DDR2: variants seen among roughly 807,000 people sequenced by gnomAD.
DDR2 encodes discoidin domain receptor tyrosine kinase 2.
In DDR2, 27 loss-of-function variants were observed where a neutral mutation model predicts 94.9. The ratio of observed to expected loss-of-function variants is 0.28; its 90% CI spans 0.21 to 0.39. The LOEUF is 0.39. DDR2 is among the 10% of genes least tolerant of loss of function. The pLI is 1.00. For missense variants in DDR2, 783 were observed against 1,076.0 expected, an observed-to-expected ratio of 0.73 and a Z score of 3.81; for synonymous variants, 382 against 377.2, an observed-to-expected ratio of 1.01 and a Z score of -0.15.
intron 1 of DDR2, among the ~76,000 whole-genome samples, chr1:162,640,798 T>C (rs1657092720): frequency 6.6e-6 from 1 of 152,160 alleles, no homozygotes; most frequent in South Asian, 2.1e-4. Flanking sequence ...TAGGTATTTT[T>C]GTGTCATACT....
chr1:162,769,117 A>G (rs1664140265), intron 11 of DDR2, among the ~76,000 whole-genome samples: 1 of 152,186 alleles, frequency 6.6e-6, no homozygotes, highest in Non-Finnish European at 1.5e-5. Flanking sequence ...TACTTCTCTG[A>G]GTCTTTATTC....
chr1:162,636,639 C>G (rs1234726964), intron 1 of DDR2, among the ~76,000 whole-genome samples: 1 of 152,170 alleles, frequency 6.6e-6, no homozygotes, highest in Non-Finnish European at 1.5e-5. Context: ...GTTTCGACCT[C>G]AGAGGAGTTT....
In DDR2 at chr1:162,719,319, A is replaced by G. The variant is rs1661307414; in HGVS notation, c.82+174A>G. On this transcript the variant is annotated intron_variant, in intron 3 of 17. Coordinates refer to ENST00000367921, the MANE Select transcript of DDR2 (RefSeq NM_006182.4). Reference sequence around the variant, plus strand: ...AGAAAAATGAATATACTTTATATATATGTATTTTAATACTTACAACCTGTT... The same window carrying G: ...AGAAAAATGAATATACTTTATATATGTGTATTTTAATACTTACAACCTGTT... 4 of 767,186 alleles carry G rather than the reference A, an allele frequency of 5.2e-6. No individual in the cohort carries two copies. The South Asian group carries it at 2.4e-4, about 46-fold the overall frequency. The allele number at this position is 767,186 out of a possible 1,614,324, so 47.5% of individuals were successfully genotyped here.
chr1:162,673,747 C>A (rs1658997083), intron 2 of DDR2, among the ~76,000 whole-genome samples: 1 of 151,006 alleles, frequency 6.6e-6, no homozygotes, highest in Non-Finnish European at 1.5e-5. Context: ...CAAAACAAAA[C>A]AAAACAAAAC....
intron 1 of DDR2, among the ~76,000 whole-genome samples, chr1:162,639,904 A>G (rs913013715): frequency 6.6e-6 from 1 of 152,200 alleles, no homozygotes; most frequent in African/African-American, 2.4e-5. Context: ...TAAATTGAAC[A>G]CAGAGGATTT....
rs1355473021 is a variant in DDR2, at chr1:162,783,095, A to C, written c.*2849A>C. On this transcript the variant is annotated 3_prime_UTR_variant, in exon 18 of 18. Transcript: ENST00000367921. ...ATTTGGAAAAGGAGATAGAAAAAAA[A>C]TGATCAGAAACTGTGGGGCCTTATT... 1.3e-5 allele frequency: 2 copies of C among 152,342 alleles called. No individual in the cohort carries two copies. Among genetic ancestry groups the C allele is most frequent in the African/African-American group, 4.8e-5 (2 of 41,584 alleles). The allele number at this position is 152,342 out of a possible 1,614,324, so 9.4% of individuals were successfully genotyped here.
chr1:162,642,737 A>G (rs562297935), intron 1 of DDR2, among the ~76,000 whole-genome samples: 2 of 152,224 alleles, frequency 1.3e-5, no homozygotes, highest in South Asian at 4.1e-4. Context: ...GGGTGTGTTC[A>G]GTCCTCTGAT....
intron 2 of DDR2, among the ~76,000 whole-genome samples, chr1:162,664,312 A>G (rs1306542140): frequency 6.6e-6 from 1 of 152,160 alleles, no homozygotes; most frequent in Non-Finnish European, 1.5e-5. Flanking sequence ...TCAGAAATAG[A>G]AACAAATTAG....
chr1:162,668,844 T>A (rs1008211327), intron 2 of DDR2, among the ~76,000 whole-genome samples: 10 of 152,224 alleles, frequency 6.6e-5, no homozygotes, highest in African/African-American at 2.4e-4. Context: ...TTGGACACGA[T>A]TCAACCCACC....
At chr1:162,748,588 C>G (rs1315940253) in intron 3 of DDR2, among the ~76,000 whole-genome samples, 3 of 152,168 alleles carry the variant, frequency 2.0e-5, no homozygotes, top group East Asian at 3.8e-4. Context: ...CAACATTAGA[C>G]AGATCAACAA....
intron 1 of DDR2, among the ~76,000 whole-genome samples, chr1:162,642,868 T>TA (rs995219588): frequency 2.0e-5 from 3 of 152,198 alleles, no homozygotes; most frequent in African/African-American, 7.2e-5. Context: ...CAGTGTTATG[T>TA]AAAAAACAAA....
At chr1:162,740,847 T>C (rs1662551409) in intron 3 of DDR2, among the ~76,000 whole-genome samples, 1 of 152,170 alleles carries the variant, frequency 6.6e-6, no homozygotes, top group African/African-American at 2.4e-5. Flanking sequence ...GACTGGACTC[T>C]GAACACAGCG....
chr1:162,765,730 A>G (rs908719234), intron 9 of DDR2, among the ~76,000 whole-genome samples: 2 of 149,918 alleles, frequency 1.3e-5, no homozygotes, highest in African/African-American at 4.9e-5. Flanking sequence ...TGTGTGGTAC[A>G]GCCCTTTGAA....
intron 3 of DDR2, among the ~76,000 whole-genome samples, chr1:162,741,209 C>T (rs5778287): frequency 0.022 from 1,500 of 69,648 alleles, 111 homozygotes; most frequent in African/African-American, 0.06. Context: ...CAATACAATA[C>T]AATATAATAT....
chr1:162,734,966 A>C (rs543787085), intron 3 of DDR2, among the ~76,000 whole-genome samples: 2 of 152,214 alleles, frequency 1.3e-5, no homozygotes, highest in Non-Finnish European at 2.9e-5. Context: ...ATAGTGGCTC[A>C]GATGGGAGGT....
intron 3 of DDR2, among the ~76,000 whole-genome samples, chr1:162,726,458 A>G (rs2665497): frequency 0.61 from 92,421 of 152,010 alleles, 32,094 homozygotes; most frequent in Non-Finnish European, 0.78. Flanking sequence ...TTCATACCCT[A>G]AAACTTTGCC....
At chr1:162,730,949 T>A (rs1662012087) in intron 3 of DDR2, among the ~76,000 whole-genome samples, 1 of 152,224 alleles carries the variant, frequency 6.6e-6, no homozygotes, top group South Asian at 2.1e-4. Flanking sequence ...GGAGTCGGCC[T>A]CCTGCCCCTG....
chr1:162,764,466 G>C (rs771608952), intron 9 of DDR2, among the ~76,000 whole-genome samples: 3 of 151,396 alleles, frequency 2.0e-5, no homozygotes, highest in Non-Finnish European at 4.4e-5. Flanking sequence ...AGGCACTAGC[G>C]TGGGTTTGTC....
At chr1:162,650,789 G>A (rs551373186) in intron 1 of DDR2, among the ~76,000 whole-genome samples, 4 of 151,758 alleles carry the variant, frequency 2.6e-5, no homozygotes, top group African/African-American at 7.3e-5. Flanking sequence ...GCAGTGGCTC[G>A]ATCTCAGCTC....
Sources: allele counts gnomAD v4.1 joint callset (sites outside exome capture counted in the v4.1 genomes callset), GRCh38; gene constraint gnomAD v4.1.1; transcripts MANE v1.5; gene names NCBI Gene and HGNC (gene_info 2026-07-23, HGNC 2026-07-21).